The following PLA2G4F variants were observed in gnomAD, a reference collection of about 807,000 sequenced individuals.
PLA2G4F encodes phospholipase A2 group IVF, also known as cytosolic phospholipase A2 zeta.
A neutral mutation model predicts 103.1 loss-of-function variants in PLA2G4F; 105 were observed. The observed-to-expected ratio is 1.02, with a 90% CI of 0.87 to 1.20. PLA2G4F has a LOEUF of 1.20. PLA2G4F is among the 50% of genes most tolerant of loss of function. PLA2G4F has a pLI of 0.00. For missense variants in PLA2G4F, 1,155 were observed against 1,075.9 expected (o/e 1.07, Z -1.03); for synonymous variants, 468 against 441.1 (o/e 1.06, Z -0.76).
chr15:42,151,726 G>GA (rs2140813152), intron 7 of PLA2G4F: 2 of 885,088 alleles, frequency 2.3e-6, no homozygotes, highest in South Asian at 5.2e-5. Context: ...CTGAGATGGA[G>GA]ACGTGCTATT....
At chr15:42,145,270 C>T (rs553132057) in intron 16 of PLA2G4F, among the ~76,000 whole-genome samples, 3 of 152,234 alleles carry the variant, frequency 2.0e-5, no homozygotes, top group South Asian at 4.1e-4. Flanking sequence ...TGCTCTGCAC[C>T]GTGGGGCCCC....
chr15:42,145,550 A>C, intron 16 of PLA2G4F, 25 bp downstream of exon 16: 1 of 1,598,954 alleles, frequency 6.3e-7, no homozygotes, highest in Non-Finnish European at 8.6e-7. Flanking sequence ...GTGGTGTGGG[A>C]GGGGCTCGGG....
chr15:42,149,094 T>C (rs1392191728), intron 11 of PLA2G4F: 1 of 985,256 alleles, frequency 1.0e-6, no homozygotes, highest in Non-Finnish European at 1.2e-6. Context: ...TGGCTGTCTC[T>C]ATACCCAGAG....
chr15:42,152,811 A>G (rs2048974120), intron 6 of PLA2G4F, 57 bp from the exon 7 acceptor site: 1 of 1,507,700 alleles, frequency 6.6e-7, no homozygotes, highest in Admixed American at 2.0e-5. Context: ...GCCAGGATGG[A>G]GAGAGGGAGG....
Position 42,145,760 on chromosome 15 carries a change from A to C in PLA2G4F, c.1672+6T>G. 6.2e-7 allele frequency: 1 copy of C among 1,613,874 alleles called. No homozygotes were observed. The highest frequency in any genetic ancestry group is 8.5e-7 in the Non-Finnish European group (1 of 1,179,980). On this transcript the variant is annotated splice_donor_region_variant and intron_variant, in intron 15 of 19. Transcript: ENST00000397272. ...GCCTGTCCCCAGCCCTCCAGCCTCG[A>C]CTCACCTTGCAGGTAACAGATCCGG... is the stretch of plus-strand genomic sequence containing the variant.
At chr15:42,148,331 G>A (rs942959440) in intron 11 of PLA2G4F, among the ~76,000 whole-genome samples, 5 of 152,070 alleles carry the variant, frequency 3.3e-5, no homozygotes, top group Admixed American at 6.5e-5. Flanking sequence ...TTAACCATTC[G>A]ACCTGGAAGA....
At position 42,152,756 on chromosome 15, in the gene PLA2G4F, T is replaced by G; in HGVS notation, c.535-2A>C. 2 of 1,554,258 alleles carry G rather than the reference T, an allele frequency of 1.3e-6. No homozygotes were observed. The highest frequency in any genetic ancestry group is 1.7e-6 in the Non-Finnish European group (2 of 1,148,384). On this transcript the variant is annotated splice_acceptor_variant, in intron 6 of 19. Transcript: ENST00000397272. LOFTEE classifies it high-confidence loss of function. ...CTGGATTCTCAGACAGGGGTGAGCC[T>G]GAGGAAAGCAGAGGCCTGTAGGAGC...
At chr15:42,143,939 C>A in intron 18 of PLA2G4F, 39 bp downstream of exon 18, 1 of 1,555,552 alleles carries the variant, frequency 6.4e-7, no homozygotes, top group Non-Finnish European at 8.7e-7. Context: ...TCTGTCCACT[C>A]ACTGCAGGTG....
intron 11 of PLA2G4F, chr15:42,148,720 G>T (rs2048920282): frequency 1.0e-6 from 1 of 985,322 alleles, no homozygotes; most frequent in Admixed American, 6.1e-5. Context: ...GATCGGAGGT[G>T]CCTGAGGGGT....
intron 18 of PLA2G4F, among the ~76,000 whole-genome samples, chr15:42,143,345 C>G (rs575516625): frequency 4.6e-5 from 7 of 152,288 alleles, no homozygotes; most frequent in African/African-American, 1.7e-4. Context: ...TCTCTGCTCC[C>G]TATTAGAAGC....
intron 2 of PLA2G4F, 66 bp downstream of exon 2, chr15:42,155,451 C>T: frequency 6.5e-7 from 1 of 1,539,354 alleles, no homozygotes; most frequent in South Asian, 1.1e-5. Context: ...GTTAGCCAGC[C>T]TGAGCTGAGC....
At position 42,156,542 on chromosome 15, in the gene PLA2G4F, C is replaced by T. The variant is rs770260461; in HGVS notation, c.8G>A (p.Trp3Ter). 5 of 1,548,628 alleles carry T rather than the reference C, an allele frequency of 3.2e-6. No homozygotes were observed. In the African/African-American group the frequency reaches 6.9e-5, roughly 21 times the overall value. ...TGCCAGCCACCTTGGCCAGAGTGCC[C>T]AAAGCATGGCTGGGCAGCCCGGGCC... ML[W>*]ALWPRWLADK... The change falls in exon 1 of 20, where the codon TGG (tryptophan) becomes TAG (stop). Residue 3 changes from tryptophan to a stop codon, truncating the protein, a stop_gained. Transcript: ENST00000397272. LOFTEE classifies it high-confidence loss of function.
chr15:42,139,474 G>A lies in PLA2G4F; in HGVS notation c.*2510C>T, dbSNP rs2048811140. On this transcript the variant is annotated 3_prime_UTR_variant, in exon 20 of 20. Coordinates refer to ENST00000397272, the MANE Select transcript of PLA2G4F (RefSeq NM_213600.4). ...GCCTCATGAGGAGCTCTGACAAGTT[G>A]ATGAATGATGTCCCTGCTCCTGTGT... 1.3e-5 allele frequency: 2 copies of A among 152,070 alleles called. No homozygotes were observed. The highest frequency in any genetic ancestry group is 1.3e-4 in the Admixed American group (2 of 15,270). 9.4% of individuals were successfully genotyped at this position (152,070 alleles called of 1,614,324 possible).
intron 11 of PLA2G4F, chr15:42,149,496 T>C (rs2048930026): frequency 1.0e-6 from 1 of 984,930 alleles, no homozygotes; most frequent in Admixed American, 6.1e-5. Context: ...ACCTAGTCTG[T>C]GGGGTTTTGT....
intron 11 of PLA2G4F, among the ~76,000 whole-genome samples, chr15:42,148,344 T>C (rs372486614): frequency 2.0e-5 from 3 of 152,138 alleles, no homozygotes; most frequent in Admixed American, 6.5e-5. Context: ...CTGGAAGATA[T>C]AGACCTGGAA....
At chr15:42,146,936 G>T in intron 13 of PLA2G4F, 188 bp downstream of exon 13, 1 of 601,178 alleles carries the variant, frequency 1.7e-6, no homozygotes, top group South Asian at 2.0e-5. Flanking sequence ...CTCCTCCCCA[G>T]GGGTTAGGAG....
intron 16 of PLA2G4F, 107 bp downstream of exon 16, chr15:42,145,468 G>T: frequency 8.7e-7 from 1 of 1,155,170 alleles, no homozygotes; most frequent in Non-Finnish European, 1.3e-6. Context: ...CCCGAATCCA[G>T]TGGGACAGCC....
At chr15:42,153,528 A>G (rs2048980656) in intron 5 of PLA2G4F, 92 bp downstream of exon 5, 1 of 1,550,692 alleles carries the variant, frequency 6.4e-7, no homozygotes, top group Admixed American at 1.7e-5. Flanking sequence ...CCAGGCCTCC[A>G]AGGCCAGTGC....
At position 42,142,596 on chromosome 15, in the gene PLA2G4F, T is replaced by C; in HGVS notation, c.2261A>G (p.Asp754Gly). The part of the protein sequence containing the change: ...RECYLFAKAE[D>G]PRSPIVLHFP... ...GTGCAGCACAATGGGGGAGCGGGGG[T>C]CCTCAGCCTTGGCAAACAGATAGCA... Residue 754 changes from aspartate to glycine, a missense_variant, in exon 19 of 20, where the codon GAC becomes GGC. Physicochemically the swap from Asp to Gly is moderately conservative, Grantham distance 94. This residue lies in a region of PLA2G4F where 782 missense variants were observed against 692.9 expected (regional missense o/e 1.13). Coordinates refer to ENST00000397272, the MANE Select transcript of PLA2G4F (RefSeq NM_213600.4). 6.2e-7 allele frequency: 1 copy of C among 1,613,436 alleles called. No individual in the cohort carries two copies. The highest frequency in any genetic ancestry group is 8.5e-7 in the Non-Finnish European group (1 of 1,179,822).
Sources: gnomAD v4.1 joint callset for allele counts (sites outside exome capture counted in the v4.1 genomes callset) on GRCh38, gnomAD v4.1.1 for gene constraint, gnomAD v4.1.1 regional missense constraint, MANE v1.5 for transcripts, NCBI Gene and HGNC (gene_info 2026-07-23, HGNC 2026-07-21) for gene names.